ALMS1: variants seen among roughly 807,000 people sequenced by gnomAD.
ALMS1 encodes ALMS1 centrosome and basal body associated protein.
In ALMS1, 271 loss-of-function variants were observed where a neutral mutation model predicts 352.2. The ratio of observed to expected loss-of-function variants is 0.77; its 90% CI spans 0.70 to 0.85. The LOEUF is 0.85. ALMS1 is among the 40% of genes least tolerant of loss of function. The pLI, the probability that ALMS1 is intolerant of heterozygous loss-of-function variation, is 0.00. For missense variants in ALMS1, 5,445 were observed against 4,870.7 expected, an observed-to-expected ratio of 1.12 and a Z score of -3.51; for synonymous variants, 1,865 against 1,761.2, an observed-to-expected ratio of 1.06 and a Z score of -1.48.
Position 73,386,136 on chromosome 2 carries a change from C to G in ALMS1, c.268C>G (p.Pro90Ala). The change falls in exon 1 of 23, where the codon CCG (proline) becomes GCG (alanine). Residue 90 changes from proline (P) to alanine (A), a missense_variant. Physicochemically the swap from Pro to Ala is conservative, Grantham distance 27. Coordinates refer to ENST00000613296, the MANE Select transcript of ALMS1 (RefSeq NM_001378454.1). The stretch of plus-strand genomic sequence containing the variant: ...GGCGCACCCCGGCAGGATTTTGCCT[C>G]CGCTGTCGCCCCCGCAGCACCGCTA... ...LQAHPGRILP[P>A]LSPPQHRYSE... The G allele has an allele frequency of 6.4e-7, 1 of 1,563,180 alleles. No individual in the cohort carries two copies. The highest frequency in any genetic ancestry group is 2.4e-5 in the East Asian group (1 of 41,626).
At position 73,609,845 on chromosome 2, in the gene ALMS1, G is replaced by A. The variant is rs1190894807; in HGVS notation, c.*233G>A. 1.9e-6 allele frequency: 1 copy of A among 522,410 alleles called. No homozygotes were observed. Among genetic ancestry groups the A allele is most frequent in the East Asian group, 3.3e-5 (1 of 29,942 alleles). The allele number at this position is 522,410 out of a possible 1,614,324, so 32.4% of individuals were successfully genotyped here. On this transcript the variant is annotated 3_prime_UTR_variant, in exon 23 of 23. Transcript: ENST00000613296. Reference sequence around the variant, plus strand: ...AATGGCCTGTGTGTTACAATGATATGATCATTTCTCAAGAATAAGTCCCTT... The same window carrying A: ...AATGGCCTGTGTGTTACAATGATATAATCATTTCTCAAGAATAAGTCCCTT...
chr2:73,458,053 A>AAAAAAAAAAG (rs1553405034), intron 9 of ALMS1: 1 of 149,924 alleles, frequency 6.7e-6, no homozygotes, highest in Non-Finnish European at 1.5e-5. Context: ...AAAAAAAAAA[A>AAAAAAAAAAG]GGTCTAAAAC....
Position 73,490,559 on chromosome 2 carries a change from A to C in ALMS1, c.8600A>C (p.Glu2867Ala), listed in dbSNP as rs749870806. The change falls in exon 10 of 23, where the codon GAG becomes GCG. Residue 2867 changes from glutamate to alanine, a missense_variant. Physicochemically the swap from Glu to Ala is moderately radical, Grantham distance 107 (BLOSUM62 -1). Coordinates refer to ENST00000613296, the MANE Select transcript of ALMS1 (RefSeq NM_001378454.1). ...NRSSSRLGVK[E>A]KNVTITPDLP... is the part of the protein sequence containing the mutation. ...TCGAGTTCCAGACTAGGAGTAAAAG[A>C]GAAGAATGTAACTATAACTCCAGAT... 6.2e-7 allele frequency: 1 copy of C among 1,614,074 alleles called. No individual in the cohort carries two copies. The highest frequency in any genetic ancestry group is 1.3e-5 in the African/African-American group (1 of 74,928).
rs747436819 is a variant in ALMS1, at chr2:73,568,995, CTTTTTTTTTTTTTTTTTTTTT to C, written c.10385-3250_10385-3230del. On this transcript the variant is annotated intron_variant, in intron 15 of 22. Transcript: ENST00000613296. ...AGCTTGCTTGCTGCTGCTTCTGCTTCTTTTTTTTTTTTTTTTTTTTTTTTTTTTTTTTTTTTTGAGATGAAG... is the reference window on the plus strand; with the variant it reads ...AGCTTGCTTGCTGCTGCTTCTGCTTCTTTTTTTTTTTTTTTTGAGATGAAG... Among the ~76,000 whole-genome samples the C allele has an allele frequency of 2.1e-4, 11 of 53,558 alleles. 1 individual carries two copies. Among genetic ancestry groups the C allele is most frequent in the African/African-American group, 8.1e-4 (10 of 12,316 alleles). The allele number at this position is 53,558 out of a possible 152,430, so 35.1% of individuals were successfully genotyped here. A position where few individuals can be genotyped will look rare whatever the true frequency, so the allele number is the denominator to read the frequency against.
Position 73,491,189 on chromosome 2 carries a change from C to T in ALMS1, c.9230C>T (p.Ala3077Val), listed in dbSNP as rs1572970610. ...RFHSLDAASK[A>V]RMNSEFNFDL... The stretch of plus-strand genomic sequence containing the variant: ...CATTCATTGGATGCTGCTTCTAAAG[C>T]GAGGATGAATAGTGAGTTTAACTTT... Residue 3077 changes from alanine (A) to valine (V), a missense_variant, in exon 10 of 23, where the codon GCG (alanine) becomes GTG (valine). Transcript: ENST00000613296. 6.8e-6 allele frequency: 11 copies of T among 1,614,092 alleles called. No homozygotes were observed. Among genetic ancestry groups the T allele is most frequent in the South Asian group, 3.3e-5 (3 of 91,074 alleles).
In ALMS1 at chr2:73,489,995, G is replaced by A. The variant is rs1451397563; in HGVS notation, c.8036G>A (p.Trp2679Ter). Residue 2679 changes from tryptophan to a stop codon, truncating the protein, a stop_gained, in exon 10 of 23, where the codon TGG (tryptophan) becomes TAG (stop). Coordinates refer to ENST00000613296, the MANE Select transcript of ALMS1 (RefSeq NM_001378454.1). LOFTEE classifies it high-confidence loss of function. The stretch of plus-strand genomic sequence containing the variant: ...CCATTCGATGAAAAGATGGACCCTT[G>A]GCTGTCAGAATTAGTAGAACCTGCT... ...RMPFDEKMDPWLSELVEPAFV... is the reference protein window; with the variant it reads ...RMPFDEKMDP 6.2e-7 allele frequency: 1 copy of A among 1,614,192 alleles called. No homozygotes were observed. Among genetic ancestry groups the A allele is most frequent in the Non-Finnish European group, 8.5e-7 (1 of 1,180,034 alleles).
At chr2:73,554,300 G>T (rs1294742457) in intron 13 of ALMS1, among the ~76,000 whole-genome samples, 1 of 151,836 alleles carries the variant, frequency 6.6e-6, no homozygotes, top group East Asian at 1.9e-4. Flanking sequence ...AATATACCAG[G>T]AAAGATAAAA....
chr2:73,576,467 CTT>C (rs927344674), intron 16 of ALMS1, among the ~76,000 whole-genome samples: 1 of 151,746 alleles, frequency 6.6e-6, no homozygotes, highest in Non-Finnish European at 1.5e-5. Context: ...TTTATTAACT[CTT>C]TTTTTGTGTG....
intron 1 of ALMS1, among the ~76,000 whole-genome samples, chr2:73,400,140 C>T (rs536216134): frequency 2.0e-5 from 3 of 151,926 alleles, no homozygotes; most frequent in Middle Eastern, 3.4e-3. Context: ...AGAGGGGGGT[C>T]TCACTTTGTT....
At chr2:73,424,185 T>G (rs1370663237) in intron 4 of ALMS1, among the ~76,000 whole-genome samples, 2 of 152,158 alleles carry the variant, frequency 1.3e-5, no homozygotes, top group Non-Finnish European at 2.9e-5. Flanking sequence ...CTGTGTCTAT[T>G]GTTTTAGGAG....
intron 1 of ALMS1, among the ~76,000 whole-genome samples, chr2:73,392,088 T>C (rs1203300617): frequency 6.6e-6 from 1 of 152,160 alleles, no homozygotes; most frequent in Non-Finnish European, 1.5e-5. Flanking sequence ...GTAATTATGC[T>C]TTATTTTTCT....
chr2:73,441,633 T>TCC (rs59406302), intron 7 of ALMS1, among the ~76,000 whole-genome samples: 152 of 152,146 alleles, frequency 1.0e-3, no homozygotes, highest in African/African-American at 3.6e-3. Context: ...CTATTCCTAT[T>TCC]TCTGGTCTTA....
rs754985816 is a variant in ALMS1 at position 73,519,939 on chromosome 2, A to T, written c.9704A>T (p.Gln3235Leu). 1 of 1,614,152 alleles carries T rather than the reference A, an allele frequency of 6.2e-7. No individual in the cohort carries two copies. The highest frequency in any genetic ancestry group is 2.2e-5 in the East Asian group (1 of 44,874). The change falls in exon 11 of 23, where the codon CAG (glutamine) becomes CTG (leucine). Residue 3235 changes from glutamine to leucine, a missense_variant. Gln to Leu is a moderately radical substitution (Grantham distance 113, BLOSUM62 -2). Transcript: ENST00000613296. ...CATGAAATTATAGAGCCTGGTAACC[A>T]GAAGCTACGCAAAGCTCCTGTCAAG... The part of the protein sequence containing the change: ...RGHEIIEPGN[Q>L]KLRKAPVKFA...
chr2:73,414,049 A>G lies in ALMS1; in HGVS notation c.451-5074A>G, dbSNP rs189935685. 1.5e-4 allele frequency among the ~76,000 whole-genome samples: 23 copies of G among 152,312 alleles called. 1 individual carries two copies. The East Asian group carries it at 4.0e-3, about 27-fold the overall frequency. ...ATTTTAGAATTAGCTCGCCCAATTT[A>G]TATTTTAAAAGCCTGCTGGAATTTT... is the stretch of plus-strand genomic sequence containing the variant. On this transcript the variant is annotated intron_variant, in intron 2 of 22. Transcript: ENST00000613296.
chr2:73,397,829 C>A (rs1670793605), intron 1 of ALMS1, among the ~76,000 whole-genome samples: 1 of 152,184 alleles, frequency 6.6e-6, no homozygotes, highest in South Asian at 2.1e-4. Context: ...ATACAGAGTT[C>A]CCATCTGTGC....
At chr2:73,412,695 C>T (rs1479833866) in intron 2 of ALMS1, among the ~76,000 whole-genome samples, 1 of 152,120 alleles carries the variant, frequency 6.6e-6, no homozygotes, top group African/African-American at 2.4e-5. Flanking sequence ...ACTCGGGAGG[C>T]TGAGGCAGGA....
chr2:73,548,668 A>G (rs1573011809), intron 12 of ALMS1, among the ~76,000 whole-genome samples: 1 of 152,190 alleles, frequency 6.6e-6, no homozygotes, highest in Non-Finnish European at 1.5e-5. Flanking sequence ...AAACATTTTG[A>G]TTTGAAGAAG....
intron 10 of ALMS1, among the ~76,000 whole-genome samples, chr2:73,492,951 T>C (rs1673022813): frequency 6.8e-6 from 1 of 147,770 alleles, no homozygotes; most frequent in Non-Finnish European, 1.5e-5. Context: ...TTGGCAAGGC[T>C]GGTCAGTATT....
chr2:73,466,652 T>A (rs536532644), intron 9 of ALMS1, among the ~76,000 whole-genome samples: 377 of 151,982 alleles, frequency 2.5e-3, no homozygotes, highest in African/African-American at 8.6e-3. Context: ...AATAATAAAA[T>A]AAAAAAATTC....
Sources: allele counts gnomAD v4.1 joint callset (sites outside exome capture counted in the v4.1 genomes callset), GRCh38; gene constraint gnomAD v4.1.1; transcripts MANE v1.5; gene names NCBI Gene and HGNC (gene_info 2026-07-23, HGNC 2026-07-21).